Variants in PCDH15 observed in about 807,000 individuals in gnomAD.
The protein encoded by PCDH15 is protocadherin related 15.
In PCDH15, 129 loss-of-function variants were observed where a neutral mutation model predicts 178.5. The ratio of observed to expected loss-of-function variants is 0.72; its 90% CI spans 0.63 to 0.84. The LOEUF is 0.84. Among genes scored for constraint, PCDH15 ranks in the 40% least tolerant of loss-of-function variants. The pLI is 0.00. For missense variants in PCDH15, 2,230 were observed against 2,099.9 expected, an observed-to-expected ratio of 1.06 and a Z score of -1.21; for synonymous variants, 800 against 732.0, an observed-to-expected ratio of 1.09 and a Z score of -1.50.
In PCDH15 at chr10:55,621,292, G is replaced by A. The variant is rs1843586400; in HGVS notation, c.-156+6333C>T. Among the ~76,000 whole-genome samples the A allele has an allele frequency of 2.6e-5, 4 of 152,284 alleles. No homozygotes were observed. In the South Asian group the frequency reaches 8.3e-4, roughly 32 times the overall value. ...ATTTCTTTATAGAAGCATTTTGAGT[G>A]AAGCCCACAGATTATTTAATAATTT... On this transcript the variant is annotated intron_variant, in intron 2 of 5. Coordinates refer to the PCDH15 transcript ENST00000613346.
At chr10:55,048,304 G>T (rs749055505) in intron 2 of PCDH15, among the ~76,000 whole-genome samples, 1 of 151,618 alleles carries the variant, frequency 6.6e-6, no homozygotes, top group African/African-American at 2.4e-5. Context: ...AAGGAGAGTC[G>T]CTGAAAGCTA....
At chr10:55,238,251 G>T (rs1218912631) in intron 1 of PCDH15, among the ~76,000 whole-genome samples, 2 of 147,396 alleles carry the variant, frequency 1.4e-5, no homozygotes, top group Admixed American at 7.0e-5. Context: ...CCAGGTTCAC[G>T]CCATTCTCCT....
intron 10 of PCDH15, among the ~76,000 whole-genome samples, chr10:54,208,739 G>A (rs1049921024): frequency 1.6e-4 from 25 of 152,104 alleles, no homozygotes; most frequent in African/African-American, 3.1e-4. Context: ...GTGCGTGTGC[G>A]TGTGCATGTG....
At chr10:54,369,921 T>C (rs1161605403) in intron 4 of PCDH15, among the ~76,000 whole-genome samples, 5 of 152,016 alleles carry the variant, frequency 3.3e-5, no homozygotes, top group Admixed American at 1.3e-4. Flanking sequence ...TATGAAGTTA[T>C]GTTATGTGAC....
chr10:54,712,066 G>A (rs2095432775), intron 1 of PCDH15, among the ~76,000 whole-genome samples: 2 of 151,964 alleles, frequency 1.3e-5, no homozygotes, highest in East Asian at 1.9e-4. Flanking sequence ...ACGTAGTAGT[G>A]TAATTTGTTC....
At chr10:55,436,254 T>G (rs1193126031) in intron 2 of PCDH15, among the ~76,000 whole-genome samples, 1 of 152,060 alleles carries the variant, frequency 6.6e-6, no homozygotes, top group East Asian at 1.9e-4. Flanking sequence ...TAAGATTGCT[T>G]TAGTGAAATA....
chr10:53,923,906 A>G (rs1256158477), intron 25 of PCDH15, among the ~76,000 whole-genome samples: 1 of 151,988 alleles, frequency 6.6e-6, no homozygotes, highest in Non-Finnish European at 1.5e-5. Context: ...TCAGTCTTTC[A>G]TTTTTCTCTC....
chr10:54,057,192 A>G (rs958942211), intron 18 of PCDH15, among the ~76,000 whole-genome samples: 8 of 152,140 alleles, frequency 5.3e-5, no homozygotes, highest in African/African-American at 1.9e-4. Flanking sequence ...TTGGGGCTGG[A>G]GGACAGTGAC....
At chr10:54,011,499 A>C (rs2092585072) in intron 20 of PCDH15, among the ~76,000 whole-genome samples, 2 of 152,312 alleles carry the variant, frequency 1.3e-5, no homozygotes, top group East Asian at 3.9e-4. Flanking sequence ...TACAATGTGT[A>C]GCCTGGGAGT....
intron 1 of PCDH15, among the ~76,000 whole-genome samples, chr10:54,689,311 C>T (rs565520825): frequency 1.3e-5 from 2 of 152,150 alleles, no homozygotes; most frequent in East Asian, 3.9e-4. Flanking sequence ...AAACAATTAA[C>T]ACAAAGCACT....
chr10:54,503,931 A>G lies in PCDH15; in HGVS notation c.157+23881T>C, dbSNP rs950396125. On this transcript the variant is annotated intron_variant, in intron 3 of 37. Transcript: ENST00000644397. Reference sequence around the variant, plus strand: ...CTTGTTCCCCTGATGCCTGAGGCCAATGCACAGTGTCCGGAATTTTCCTCT... The same window carrying G: ...CTTGTTCCCCTGATGCCTGAGGCCAGTGCACAGTGTCCGGAATTTTCCTCT... Among the ~76,000 whole-genome samples the G allele has an allele frequency of 1.2e-3, 183 of 152,224 alleles. 1 individual carries two copies. Among genetic ancestry groups the G allele is most frequent in the Non-Finnish European group, 1.4e-3 (97 of 68,010 alleles).
At chr10:54,177,377 C>A (rs2047537900) in intron 13 of PCDH15, among the ~76,000 whole-genome samples, 1 of 151,938 alleles carries the variant, frequency 6.6e-6, no homozygotes, top group African/African-American at 2.4e-5. Context: ...TAGTACAAAA[C>A]CATAAAATGA....
intron 15 of PCDH15, among the ~76,000 whole-genome samples, chr10:54,113,006 C>T (rs1425795889): frequency 6.6e-6 from 1 of 152,074 alleles, no homozygotes; most frequent in Non-Finnish European, 1.5e-5. Flanking sequence ...AACTGCAAAA[C>T]CTTTCTAGCA....
chr10:54,215,950 G>A (rs1222460037), intron 9 of PCDH15, among the ~76,000 whole-genome samples: 2 of 148,084 alleles, frequency 1.4e-5, no homozygotes, highest in African/African-American at 5.1e-5. Flanking sequence ...GGCTGAGGCA[G>A]GAAAATGGCG....
At chr10:54,141,005 T>A (rs930082313) in intron 14 of PCDH15, among the ~76,000 whole-genome samples, 7 of 152,138 alleles carry the variant, frequency 4.6e-5, no homozygotes, top group African/African-American at 1.7e-4. Context: ...AATTTTCATT[T>A]ATTTGCTATT....
At chr10:54,106,288 T>C (rs1357192499) in intron 15 of PCDH15, among the ~76,000 whole-genome samples, 1 of 152,238 alleles carries the variant, frequency 6.6e-6, no homozygotes, top group Non-Finnish European at 1.5e-5. Context: ...TATATCTTAA[T>C]ATAGCTGCTA....
At chr10:54,564,452 C>G (rs1281037738) in intron 2 of PCDH15, among the ~76,000 whole-genome samples, 2 of 152,044 alleles carry the variant, frequency 1.3e-5, no homozygotes, top group East Asian at 3.9e-4. Context: ...TCCATGTTTA[C>G]CTTTAGTGTA....
intron 5 of PCDH15, among the ~76,000 whole-genome samples, chr10:54,358,704 A>C (rs1945471302): frequency 6.6e-6 from 1 of 152,142 alleles, no homozygotes; most frequent in Admixed American, 6.5e-5. Flanking sequence ...GTAAAGACAC[A>C]TGCACATGTA....
rs565936797 is a variant in PCDH15, at chr10:54,646,220, G to A, written c.91+17952C>T. 3.5e-4 allele frequency among the ~76,000 whole-genome samples: 53 copies of A among 151,910 alleles called. 1 individual carries two copies. The South Asian group carries it at 8.5e-3, about 24-fold the overall frequency. On this transcript the variant is annotated intron_variant, in intron 2 of 37. Transcript: ENST00000644397. ...AGACTATTACTACACTCCCACTTTC[G>A]CAGTATAAATAACATTCTTTCAACT... is the stretch of plus-strand genomic sequence containing the variant.
Sources: allele counts gnomAD v4.1 joint callset (sites outside exome capture counted in the v4.1 genomes callset), GRCh38; gene constraint gnomAD v4.1.1; transcripts MANE v1.5; gene names NCBI Gene and HGNC (gene_info 2026-07-23, HGNC 2026-07-21).